The following SCN11A variants were observed in gnomAD, a reference collection of about 807,000 sequenced individuals.
SCN11A encodes the protein sodium channel protein type 11 subunit alpha.
A neutral mutation model predicts 162.2 loss-of-function variants in SCN11A; 122 were observed. The ratio of observed to expected loss-of-function variants is 0.75; its 90% CI spans 0.65 to 0.87. SCN11A has a LOEUF of 0.87. SCN11A is among the 40% of genes least tolerant of loss of function. The pLI, the probability that SCN11A is intolerant of heterozygous loss-of-function variation, is 0.00. For synonymous variants in SCN11A, 758 were observed against 751.5 expected, an observed-to-expected ratio of 1.01 and a Z score of -0.14; for missense variants, 2,015 against 2,181.6, an observed-to-expected ratio of 0.92 and a Z score of 1.52.
intron 2 of SCN11A, among the ~76,000 whole-genome samples, chr3:39,028,863 G>A (rs1450413606): frequency 6.6e-6 from 1 of 151,938 alleles, no homozygotes; most frequent in African/African-American, 2.4e-5. Flanking sequence ...CTTCATGAAG[G>A]CAAAGCCCTC....
At chr3:39,035,851 G>C (rs1278015460) in intron 1 of SCN11A, among the ~76,000 whole-genome samples, 1 of 152,182 alleles carries the variant, frequency 6.6e-6, no homozygotes. Context: ...ATGTTAGCCA[G>C]GATGGTCTCA....
At chr3:39,033,153 G>GAA (rs34925838) in intron 1 of SCN11A, among the ~76,000 whole-genome samples, 2 of 133,870 alleles carry the variant, frequency 1.5e-5, no homozygotes, top group African/African-American at 2.7e-5. Flanking sequence ...GTTGCATCTT[G>GAA]AAAAAAAAAA....
intron 27 of SCN11A, among the ~76,000 whole-genome samples, chr3:38,863,904 T>C (rs575868637): frequency 4.7e-4 from 72 of 152,064 alleles, no homozygotes; most frequent in Admixed American, 1.0e-3. Context: ...TGAACTGGCA[T>C]AAAAGTAAGA....
At chr3:38,881,698 A>C (rs1398609996) in intron 22 of SCN11A, among the ~76,000 whole-genome samples, 1 of 146,482 alleles carries the variant, frequency 6.8e-6, no homozygotes, top group Non-Finnish European at 1.5e-5. Flanking sequence ...GCTGCTGCTG[A>C]TAGACACATA....
chr3:39,004,432 T>C (rs747185069), intron 2 of SCN11A, among the ~76,000 whole-genome samples: 5 of 152,220 alleles, frequency 3.3e-5, no homozygotes, highest in Non-Finnish European at 5.9e-5. Context: ...AGCCCTGTAG[T>C]ATAGTTTGAA....
chr3:39,036,850 G>T (rs994870257), intron 1 of SCN11A, among the ~76,000 whole-genome samples: 1 of 152,296 alleles, frequency 6.6e-6, no homozygotes, highest in East Asian at 1.9e-4. Flanking sequence ...GTGGAGAAAA[G>T]GGAACCCTCA....
chr3:38,912,933 T>C (rs565011084), intron 11 of SCN11A, among the ~76,000 whole-genome samples: 2 of 152,338 alleles, frequency 1.3e-5, no homozygotes, highest in Admixed American at 1.3e-4. Flanking sequence ...AGTGCTGCAA[T>C]GAACATGCAT....
At chr3:38,938,402 AAAG>A (rs910587642) in intron 7 of SCN11A, among the ~76,000 whole-genome samples, 8 of 150,038 alleles carry the variant, frequency 5.3e-5, no homozygotes, top group African/African-American at 1.2e-4. Context: ...AAAAAACAAA[AAAG>A]AAGGAAAATG....
At chr3:39,039,806 C>T in intron 1 of SCN11A, among the ~76,000 whole-genome samples, 1 of 152,082 alleles carries the variant, frequency 6.6e-6, no homozygotes, top group South Asian at 2.1e-4. Flanking sequence ...CACTGGAGAC[C>T]CTGCCCCCTC....
intron 24 of SCN11A, 28 bp from the exon 25 acceptor site, chr3:38,871,736 A>G (rs372818023): frequency 8.4e-6 from 13 of 1,556,410 alleles, no homozygotes; most frequent in South Asian, 2.5e-5. Flanking sequence ...AAAGAAAACC[A>G]TAACAGATGG....
At chr3:38,907,565 G>A (rs1243970186) in intron 14 of SCN11A, among the ~76,000 whole-genome samples, 2 of 151,694 alleles carry the variant, frequency 1.3e-5, no homozygotes, top group East Asian at 3.9e-4. Context: ...ATGTCTTTGG[G>A]TTTGCTTCAG....
At chr3:38,980,035 C>A (rs1328588490) in intron 2 of SCN11A, among the ~76,000 whole-genome samples, 1 of 152,192 alleles carries the variant, frequency 6.6e-6, no homozygotes, top group Admixed American at 6.5e-5. Flanking sequence ...GCCCACATCA[C>A]ACCCACACCA....
intron 2 of SCN11A, among the ~76,000 whole-genome samples, chr3:39,013,087 C>T (rs1235945456): frequency 6.6e-6 from 1 of 151,934 alleles, no homozygotes; most frequent in Non-Finnish European, 1.5e-5. Context: ...AAAATAAATA[C>T]CAGGTGACAG....
At chr3:39,001,119 A>C (rs537844429) in intron 2 of SCN11A, among the ~76,000 whole-genome samples, 82 of 152,336 alleles carry the variant, frequency 5.4e-4, no homozygotes, top group African/African-American at 1.9e-3. Flanking sequence ...TCCTAAACTC[A>C]TTTTTTTAGT....
chr3:39,006,742 C>G lies in SCN11A; in HGVS notation c.-280+25638G>C, dbSNP rs117650612. ...GCTTGAGCCCAGGGGTTCAAGTTTA[C>G]AGCAAGCCATGATTGTACCACTGCA... On this transcript the variant is annotated intron_variant, in intron 2 of 29. Transcript: ENST00000302328. Among the ~76,000 whole-genome samples, 30 of 152,200 alleles carry G rather than the reference C, an allele frequency of 2.0e-4. No homozygotes were observed. In the East Asian group the frequency reaches 5.8e-3, roughly 29 times the overall value.
chr3:38,859,353 C>A (rs2126086402), intron 28 of SCN11A, among the ~76,000 whole-genome samples: 1 of 152,060 alleles, frequency 6.6e-6, no homozygotes, highest in South Asian at 2.1e-4. Context: ...ACTGATACCA[C>A]AGAAATACGA....
chr3:38,939,056 C>G (rs1363932816), intron 7 of SCN11A, among the ~76,000 whole-genome samples: 1 of 152,004 alleles, frequency 6.6e-6, no homozygotes, highest in East Asian at 2.0e-4. Flanking sequence ...GTCTGTAATC[C>G]CAGTCACTTG....
chr3:38,900,192 T>A, intron 16 of SCN11A, 119 bp from the exon 17 acceptor site: 3 of 738,112 alleles, frequency 4.1e-6, no homozygotes, highest in Non-Finnish European at 6.7e-6. Flanking sequence ...ATTGACACAC[T>A]ATACCCTAAA....
intron 2 of SCN11A, among the ~76,000 whole-genome samples, chr3:39,022,302 T>C (rs73064261): frequency 0.1 from 15,765 of 152,144 alleles, 1,036 homozygotes; most frequent in East Asian, 0.22. Flanking sequence ...GCTTAATAAA[T>C]ATGTATATTT....
Sources: allele counts gnomAD v4.1 joint callset (sites outside exome capture counted in the v4.1 genomes callset), GRCh38; gene constraint gnomAD v4.1.1; transcripts MANE v1.5; gene names NCBI Gene and HGNC (gene_info 2026-07-23, HGNC 2026-07-21).